Variants in AHCYL2 observed in about 807,000 individuals in gnomAD.
AHCYL2 encodes S-adenosylhomocysteine hydrolase-like protein 2.
Under a neutral mutation model 81.4 loss-of-function variants are expected in AHCYL2, and 28 were observed. That is an observed-to-expected ratio of 0.34 (90% CI 0.25 to 0.47). The LOEUF is 0.47. AHCYL2 is among the 20% of genes least tolerant of loss of function. The pLI is 1.00. For synonymous variants in AHCYL2, 272 were observed against 290.2 expected (o/e 0.94, Z 0.64); for missense variants, 551 against 785.1 (o/e 0.70, Z 3.56).
chr7:129,228,243 A>T (rs531720682), intron 1 of AHCYL2, among the ~76,000 whole-genome samples: 3 of 152,210 alleles, frequency 2.0e-5, no homozygotes, highest in Admixed American at 1.3e-4. Context: ...TCACATTTCC[A>T]TAGATGGTTT....
At chr7:129,369,861 AT>A in intron 1 of AHCYL2, among the ~76,000 whole-genome samples, 1 of 152,100 alleles carries the variant, frequency 6.6e-6, no homozygotes, top group Non-Finnish European at 1.5e-5. Context: ...CTTGTGTTCA[AT>A]TTTAAAACAT....
chr7:129,386,516 C>T (rs896353173), intron 2 of AHCYL2, among the ~76,000 whole-genome samples: 5 of 150,500 alleles, frequency 3.3e-5, no homozygotes, highest in Non-Finnish European at 7.4e-5. Flanking sequence ...CAAAGAAAAA[C>T]ATTGGTTGAA....
intron 1 of AHCYL2, among the ~76,000 whole-genome samples, chr7:129,262,026 A>G (rs1795660464): frequency 6.6e-6 from 1 of 152,046 alleles, no homozygotes; most frequent in South Asian, 2.1e-4. Flanking sequence ...ATTTTTGCAT[A>G]TAACATCACT....
intron 1 of AHCYL2, among the ~76,000 whole-genome samples, chr7:129,337,374 G>C (rs1244952251): frequency 6.6e-6 from 1 of 151,946 alleles, no homozygotes; most frequent in South Asian, 2.1e-4. Context: ...CCATTGTATA[G>C]ATAGGCCGTA....
chr7:129,246,061 TG>T (rs1419264991), intron 1 of AHCYL2, among the ~76,000 whole-genome samples: 1 of 151,628 alleles, frequency 6.6e-6, no homozygotes, highest in Non-Finnish European at 1.5e-5. Context: ...ATGTTGGATT[TG>T]TTTTTTTTTT....
rs536466661 is a variant in AHCYL2, at chr7:129,411,487, C to T, written c.1366+1941C>T. On this transcript the variant is annotated intron_variant, in intron 11 of 16. Coordinates refer to ENST00000325006, the MANE Select transcript of AHCYL2 (RefSeq NM_015328.4). ...AAAAGGAATCATTTATGGCTGGGCA[C>T]GGTGGCTCACGCCTGTAATCCCAGC... is the stretch of plus-strand genomic sequence containing the variant. 3.5e-4 allele frequency among the ~76,000 whole-genome samples: 54 copies of T among 152,224 alleles called. 1 individual carries two copies. The highest frequency in any genetic ancestry group is 9.6e-5 in the African/African-American group (4 of 41,534).
chr7:129,372,624 A>G (rs1794464079), intron 1 of AHCYL2, among the ~76,000 whole-genome samples: 1 of 152,086 alleles, frequency 6.6e-6, no homozygotes, highest in African/African-American at 2.4e-5. Context: ...CCTGCCCAAC[A>G]TGGCGAAACC....
intron 1 of AHCYL2, among the ~76,000 whole-genome samples, chr7:129,301,632 G>A (rs562990352): frequency 6.6e-6 from 1 of 152,250 alleles, no homozygotes; most frequent in East Asian, 1.9e-4. Context: ...TTTCCCCAAT[G>A]TATAGTTTTG....
chr7:129,411,303 C>T (rs951111466), intron 11 of AHCYL2, among the ~76,000 whole-genome samples: 1 of 152,042 alleles, frequency 6.6e-6, no homozygotes, highest in Non-Finnish European at 1.5e-5. Context: ...TTTTATCACC[C>T]CAAAAAGAAA....
intron 1 of AHCYL2, among the ~76,000 whole-genome samples, chr7:129,301,996 TTCCAA>T (rs1797273275): frequency 6.6e-6 from 1 of 152,212 alleles, no homozygotes; most frequent in Non-Finnish European, 1.5e-5. Context: ...ATATTGATTG[TTCCAA>T]TCCGTGGACA....
chr7:129,422,369 T>C (rs1797156938), intron 12 of AHCYL2, among the ~76,000 whole-genome samples: 1 of 152,256 alleles, frequency 6.6e-6, no homozygotes, highest in Non-Finnish European at 1.5e-5. Context: ...GGCCTCTTAC[T>C]AAACCCACTC....
At chr7:129,378,356 A>G (rs945205278) in intron 1 of AHCYL2, among the ~76,000 whole-genome samples, 2 of 152,196 alleles carry the variant, frequency 1.3e-5, no homozygotes, top group Non-Finnish European at 2.9e-5. Flanking sequence ...AAGCTAACTA[A>G]TATATTTTAA....
intron 1 of AHCYL2, among the ~76,000 whole-genome samples, chr7:129,240,634 A>C (rs569849170): frequency 6.6e-6 from 1 of 151,910 alleles, no homozygotes; most frequent in East Asian, 1.9e-4. Flanking sequence ...CTTAGGTGGA[A>C]AGTCATTCTC....
chr7:129,379,279 CAAAAA>C (rs200168015), intron 1 of AHCYL2, among the ~76,000 whole-genome samples: 1 of 68,334 alleles, frequency 1.5e-5, no homozygotes, highest in East Asian at 3.9e-4. Context: ...AAGTCCATCT[CAAAAA>C]AAAAAAAAAA....
At chr7:129,335,529 G>T (rs1293176160) in intron 1 of AHCYL2, among the ~76,000 whole-genome samples, 9 of 152,128 alleles carry the variant, frequency 5.9e-5, no homozygotes, top group Admixed American at 5.2e-4. Context: ...TTCTGATTTT[G>T]TGGGTCAGGA....
intron 1 of AHCYL2, among the ~76,000 whole-genome samples, chr7:129,227,578 T>C (rs1487692677): frequency 7.4e-6 from 1 of 134,660 alleles, no homozygotes; most frequent in Non-Finnish European, 1.5e-5. Flanking sequence ...ATGAGCACTC[T>C]AGCCTGGGTG....
Position 129,406,560 on chromosome 7 carries a change from A to C in AHCYL2, c.1295+94A>C. 8.7e-7 allele frequency: 1 copy of C among 1,147,566 alleles called. No homozygotes were observed. Among genetic ancestry groups the C allele is most frequent in the Non-Finnish European group, 1.3e-6 (1 of 760,806 alleles). 71.1% of individuals were successfully genotyped at this position (1,147,566 alleles called of 1,614,324 possible). A position where few individuals can be genotyped will look rare whatever the true frequency, so the allele number is the denominator to read the frequency against. On this transcript the variant is annotated intron_variant, in intron 10 of 16. Transcript: ENST00000325006. This position sits in a 1 kb window ranked among gnomAD's most constrained non-coding sequence, Gnocchi z 4.3. The stretch of plus-strand genomic sequence containing the variant: ...CACACTTTATTTTAGAGGAGCCCAG[A>C]TCCTCAGAGATGCTGCCACTAACTC...
intron 4 of AHCYL2, among the ~76,000 whole-genome samples, chr7:129,390,412 G>A (rs1795411482): frequency 2.0e-5 from 3 of 152,102 alleles, no homozygotes; most frequent in Non-Finnish European, 4.4e-5. Flanking sequence ...AATCCCCTGA[G>A]GATACTGAGA....
At chr7:129,293,814 A>G (rs1243807330) in intron 1 of AHCYL2, among the ~76,000 whole-genome samples, 2 of 152,238 alleles carry the variant, frequency 1.3e-5, no homozygotes, top group African/African-American at 2.4e-5. Context: ...CTTTTGGAAT[A>G]TAGTATAATT....
Sources: gnomAD v4.1 joint callset for allele counts (sites outside exome capture counted in the v4.1 genomes callset) on GRCh38, gnomAD v4.1.1 for gene constraint, Gnocchi (gnomAD v3.1) non-coding constraint, MANE v1.5 for transcripts, NCBI Gene and HGNC (gene_info 2026-07-23, HGNC 2026-07-21) for gene names.